PCNT: variants seen among roughly 807,000 people sequenced by gnomAD.
PCNT encodes the protein kendrin.
PCNT carries 319 observed loss-of-function variants against 380.4 expected under a neutral mutation model. That is an observed-to-expected ratio of 0.84 (90% confidence interval 0.77 to 0.92). The LOEUF (loss-of-function observed/expected upper bound fraction) is 0.92, where lower values mean the gene tolerates loss of function less well. Among genes scored for constraint, PCNT ranks in the 40% least tolerant of loss-of-function variants. PCNT has a pLI of 0.00. For synonymous variants in PCNT, 1,845 were observed against 1,735.2 expected (o/e 1.06, Z -1.57); for missense variants, 4,400 against 4,255.3 (o/e 1.03, Z -0.95).
chr21:46,367,086 G>C lies in PCNT; in HGVS notation c.3112G>C (p.Val1038Leu). Reference protein sequence around the residue: ...QSVRDHLRTEVSTELAGTVAH... With the variant: ...QSVRDHLRTELSTELAGTVAH... ...TGTGCGGGACCACCTGCGAACCGAA[G>C]TGAGCACAGAGCTCGCCGGAACCGT... The change falls in exon 15 of 47, where the codon GTG becomes CTG. Residue 1038 changes from valine (V) to leucine (L), a missense_variant. Val to Leu is a conservative substitution (Grantham distance 32, BLOSUM62 1). Coordinates refer to ENST00000359568, the MANE Select transcript of PCNT (RefSeq NM_006031.6). 6.2e-7 allele frequency: 1 copy of C among 1,613,842 alleles called. No homozygotes were observed. The highest frequency in any genetic ancestry group is 1.1e-5 in the South Asian group (1 of 91,082).
intron 15 of PCNT, among the ~76,000 whole-genome samples, chr21:46,379,270 C>T (rs1279377820): frequency 2.0e-5 from 3 of 151,674 alleles, no homozygotes; most frequent in Non-Finnish European, 4.4e-5. Context: ...TCCTGGGCTG[C>T]GTGTCGTGAG....
intron 4 of PCNT, among the ~76,000 whole-genome samples, chr21:46,346,437 C>A (rs1303140524): frequency 6.6e-6 from 1 of 152,140 alleles, no homozygotes; most frequent in Non-Finnish European, 1.5e-5. Context: ...GACACACTGA[C>A]CTCAGGCCGG....
At chr21:46,337,765 A>G (rs2083796460) in intron 3 of PCNT, among the ~76,000 whole-genome samples, 1 of 149,326 alleles carries the variant, frequency 6.7e-6, no homozygotes, top group African/African-American at 2.5e-5. Context: ...TATTTTTAGT[A>G]GAGATGGGGT....
intron 9 of PCNT, among the ~76,000 whole-genome samples, chr21:46,351,981 C>G (rs552600175): frequency 1.3e-5 from 2 of 152,366 alleles, no homozygotes; most frequent in Admixed American, 1.3e-4. Context: ...GAAGGCAGCT[C>G]TGCTCCAGGT....
intron 2 of PCNT, among the ~76,000 whole-genome samples, chr21:46,327,274 T>C (rs577607257): frequency 1.5e-4 from 23 of 152,126 alleles, no homozygotes; most frequent in Non-Finnish European, 2.8e-4. Context: ...TTAGCCAGGA[T>C]GGTCTCAATC....
At chr21:46,436,913 G>T (rs2053474220) in intron 39 of PCNT, 66 bp from the exon 40 acceptor site, 1 of 1,127,624 alleles carries the variant, frequency 8.9e-7, no homozygotes. Flanking sequence ...GTGAGCTCTT[G>T]TTTAGTTTTG....
intron 30 of PCNT, among the ~76,000 whole-genome samples, chr21:46,417,533 T>G (rs1466019906): frequency 4.2e-5 from 6 of 142,426 alleles, no homozygotes; most frequent in Non-Finnish European, 7.4e-5. Flanking sequence ...ATATGCTAAT[T>G]AATTTTAATT....
At chr21:46,398,805 TTTTTTTTTCTTTTTC>T (rs1401750380) in intron 24 of PCNT, among the ~76,000 whole-genome samples, 106 of 147,052 alleles carry the variant, frequency 7.2e-4, no homozygotes, top group African/African-American at 2.5e-3. Flanking sequence ...TATTCCATTC[TTTTTTTTTCTTTTTC>T]TTTTTTTTTT....
At position 46,399,676 on chromosome 21, in the gene PCNT, G is replaced by A. The variant is rs1425314331; in HGVS notation, c.4671G>A (p.Val1557=). 4 of 1,613,538 alleles carry A rather than the reference G, an allele frequency of 2.5e-6. No homozygotes were observed. The highest frequency in any genetic ancestry group is 1.3e-5 in the African/African-American group (1 of 75,056). ...AGAAAGAGTCGGCAGATAGACAAGTGTTAATGCAGGAAGAAGAAATTAAAC... is the reference window on the plus strand; with the variant it reads ...AGAAAGAGTCGGCAGATAGACAAGTATTAATGCAGGAAGAAGAAATTAAAC... ...AIQKESADRQ[V]LMQEEEIKRL... The change falls in exon 25 of 47, where the codon GTG becomes GTA. Residue 1557 remains valine, a synonymous_variant. Transcript: ENST00000359568.
rs1569296933 is a variant in PCNT, at chr21:46,430,001, CTT to C, written c.7691-7_7691-6del. ...TGGGGGCCTGTTACTGTTCTTTTGT[CTT>C]TCTCAGTTGAACTGCTGGCTTATAA... On this transcript the variant is annotated splice_region_variant and splice_polypyrimidine_tract_variant and intron_variant, in intron 35 of 46. Coordinates refer to ENST00000359568, the MANE Select transcript of PCNT (RefSeq NM_006031.6). The C allele has an allele frequency of 6.2e-7, 1 of 1,612,902 alleles. No homozygotes were observed. Among genetic ancestry groups the C allele is most frequent in the Non-Finnish European group, 8.5e-7 (1 of 1,178,872 alleles).
chr21:46,373,914 G>C (rs1236360649), intron 15 of PCNT, among the ~76,000 whole-genome samples: 1 of 151,638 alleles, frequency 6.6e-6, no homozygotes, highest in Non-Finnish European at 1.5e-5. Context: ...ATTTTCAGTA[G>C]AAACAGCGTT....
At chr21:46,421,510 C>T (rs923116366) in intron 31 of PCNT, among the ~76,000 whole-genome samples, 6 of 152,254 alleles carry the variant, frequency 3.9e-5, no homozygotes, top group Non-Finnish European at 7.4e-5. Flanking sequence ...GGAGCTGCAC[C>T]GCAGGGACCC....
intron 30 of PCNT, 116 bp from the exon 31 acceptor site, chr21:46,418,088 C>G: frequency 1.4e-6 from 1 of 698,382 alleles, no homozygotes; most frequent in Middle Eastern, 3.8e-4. Context: ...TGAGTTGTTT[C>G]ATCTGGGGTC....
intron 15 of PCNT, among the ~76,000 whole-genome samples, chr21:46,376,248 T>G (rs1014700097): frequency 1.3e-5 from 2 of 152,230 alleles, no homozygotes; most frequent in African/African-American, 4.8e-5. Flanking sequence ...GCTCCCGTGT[T>G]GGCCTCAAAC....
chr21:46,362,937 T>C (rs1234764139), intron 13 of PCNT, among the ~76,000 whole-genome samples: 1 of 152,194 alleles, frequency 6.6e-6, no homozygotes, highest in African/African-American at 2.4e-5. Flanking sequence ...AGGATCCCTT[T>C]ACAGTGTGCC....
At position 46,427,804 on chromosome 21, in the gene PCNT, C is replaced by A; in HGVS notation, c.7494+9C>A. The A allele has an allele frequency of 6.2e-7, 1 of 1,612,980 alleles. No homozygotes were observed. The highest frequency in any genetic ancestry group is 1.1e-5 in the South Asian group (1 of 91,050). On this transcript the variant is annotated intron_variant, in intron 34 of 46. Transcript: ENST00000359568. Reference sequence around the variant, plus strand: ...AGATCATCCGTGAGCAGGTGAGTGTCAGCTCTGCCACCAGGCCTCAGTTTG... The same window carrying A: ...AGATCATCCGTGAGCAGGTGAGTGTAAGCTCTGCCACCAGGCCTCAGTTTG...
chr21:46,374,049 A>G (rs372636666), intron 15 of PCNT, among the ~76,000 whole-genome samples: 2 of 151,982 alleles, frequency 1.3e-5, no homozygotes, highest in East Asian at 3.9e-4. Context: ...CTTTTATGTG[A>G]TTGTTTTGGT....
rs1333701554 is a variant in PCNT, at chr21:46,334,554, AGC to A, written c.427_428del (p.Arg143TrpfsTer7). 6.3e-7 allele frequency: 1 copy of A among 1,599,204 alleles called. No homozygotes were observed. The highest frequency in any genetic ancestry group is 1.3e-5 in the African/African-American group (1 of 74,326). On this transcript the variant is annotated frameshift_variant, in exon 3 of 47. Transcript: ENST00000359568. LOFTEE classifies it high-confidence loss of function. Reference sequence around the variant, plus strand: ...ACAGTCGGTGACCACCCACCAGAACAGCGTGGGATGTTCACAGTCAGTGACCA... The same window carrying A: ...ACAGTCGGTGACCACCCACCAGAACAGTGGGATGTTCACAGTCAGTGACCA...
intron 14 of PCNT, among the ~76,000 whole-genome samples, chr21:46,365,395 CCG>C: frequency 1.4e-5 from 2 of 145,790 alleles, no homozygotes; most frequent in Non-Finnish European, 3.0e-5. Context: ...CTGTTCACTG[CCG>C]TGGGGTTCTG....
Sources: gnomAD v4.1 joint callset for allele counts (sites outside exome capture counted in the v4.1 genomes callset) on GRCh38, gnomAD v4.1.1 for gene constraint, MANE v1.5 for transcripts, NCBI Gene and HGNC (gene_info 2026-07-23, HGNC 2026-07-21) for gene names.